The following MADCAM1 variants were observed in gnomAD, a reference collection of about 807,000 sequenced individuals.
The protein encoded by MADCAM1 is mucosal vascular addressin cell adhesion molecule 1.
Under a neutral mutation model 26.1 loss-of-function variants are expected in MADCAM1, and 19 were observed. The observed-to-expected ratio is 0.73, with a 90% CI of 0.51 to 1.07. The LOEUF is 1.07. Among genes scored for constraint, MADCAM1 ranks in the 50% least tolerant of loss-of-function variants. The probability of loss-of-function intolerance (pLI) is 0.00; values close to 1 mark genes in which losing one functional copy is unlikely to be tolerated. For missense variants in MADCAM1, 514 were observed against 542.1 expected (o/e 0.95, Z 0.51); for synonymous variants, 268 against 260.9 (o/e 1.03, Z -0.26).
chr19:501,197 A>AG (rs1437252974), intron 3 of MADCAM1, among the ~76,000 whole-genome samples: 1 of 151,326 alleles, frequency 6.6e-6, no homozygotes, highest in East Asian at 1.9e-4. Context: ...TCTAAAAAAA[A>AG]AAACCAGGCC....
At chr19:499,992 T>TG (rs1978311888) in intron 3 of MADCAM1, 2 of 161,660 alleles carry the variant, frequency 1.2e-5, no homozygotes, top group Non-Finnish European at 1.2e-5. Flanking sequence ...GTCTTTGTGG[T>TG]GGGGGTGGGG....
chr19:504,505 G>A (rs1369217612), intron 4 of MADCAM1, among the ~76,000 whole-genome samples: 3 of 152,102 alleles, frequency 2.0e-5, no homozygotes, highest in East Asian at 1.9e-4. Flanking sequence ...TGATCCACCC[G>A]CTTTGGCCTC....
intron 1 of MADCAM1, 75 bp downstream of exon 1, chr19:496,626 AGG>A: frequency 2.6e-6 from 1 of 383,342 alleles, no homozygotes; most frequent in Admixed American, 2.4e-4. Flanking sequence ...GGCTCAGGAG[AGG>A]GGAGGGGGCT....
At chr19:501,607 G>A (rs1041132241) in intron 3 of MADCAM1, 62 bp from the exon 4 acceptor site, 2 of 1,511,968 alleles carry the variant, frequency 1.3e-6, no homozygotes, top group African/African-American at 1.4e-5. Flanking sequence ...TGCGGAGATT[G>A]AGGCAGGAGA....
intron 2 of MADCAM1, 39 bp from the exon 3 acceptor site, chr19:498,457 A>C: frequency 1.4e-6 from 2 of 1,434,142 alleles, no homozygotes; most frequent in Non-Finnish European, 1.8e-6. Flanking sequence ...TCCAGCCCTG[A>C]CTCTGGGCTC....
chr19:498,754 C>T lies in MADCAM1; in HGVS notation c.596C>T (p.Pro199Leu), dbSNP rs754263027. 1.3e-5 allele frequency: 19 copies of T among 1,491,658 alleles called. No homozygotes were observed. Among genetic ancestry groups the T allele is most frequent in the Middle Eastern group, 1.9e-4 (1 of 5,362 alleles). 92.4% of individuals were successfully genotyped at this position (1,491,658 alleles called of 1,614,324 possible). A position where few individuals can be genotyped will look rare whatever the true frequency, so the allele number is the denominator to read the frequency against. The change falls in exon 3 of 5, where the codon CCG (proline) becomes CTG (leucine). Residue 199 changes from proline to leucine, a missense_variant. This residue lies in a region of MADCAM1 where 317 missense variants were observed against 313.6 expected (regional missense o/e 1.01). Coordinates refer to ENST00000215637, the MANE Select transcript of MADCAM1 (RefSeq NM_130760.3). ...WRLPPLGTPV[P>L]PALYCQATMR... ...CTGCCGCCCCTGGGGACCCCTGTCC[C>T]GCCCGCCCTCTACTGCCAGGCCACG...
Position 501,724 on chromosome 19 carries a change from C to G in MADCAM1, c.723C>G (p.Pro241=). 2 of 1,564,782 alleles carry G rather than the reference C, an allele frequency of 1.3e-6. No homozygotes were observed. Among genetic ancestry groups the G allele is most frequent in the Non-Finnish European group, 1.7e-6 (2 of 1,153,502 alleles). ...EPPDTTSPES[P]DTTSPESPDT... Reference sequence around the variant, plus strand: ...CCGACACCACCTCCCCGGAGTCTCCCGACACCACCTCCCCGGAGTCTCCCG... The same window carrying G: ...CCGACACCACCTCCCCGGAGTCTCCGGACACCACCTCCCCGGAGTCTCCCG... The change falls in exon 4 of 5, where the codon CCC becomes CCG. Residue 241 remains proline, a synonymous_variant. Transcript: ENST00000215637.
At chr19:500,666 C>T (rs552598093) in intron 3 of MADCAM1, among the ~76,000 whole-genome samples, 38 of 152,152 alleles carry the variant, frequency 2.5e-4, no homozygotes, top group African/African-American at 8.2e-4. Context: ...ATTAGGAGAT[C>T]GAGACTAGCC....
At chr19:502,236 C>T (rs1415140016) in intron 4 of MADCAM1, among the ~76,000 whole-genome samples, 2 of 150,804 alleles carry the variant, frequency 1.3e-5, no homozygotes, top group Non-Finnish European at 3.0e-5. Flanking sequence ...TTGGTAAATT[C>T]TAAGCCTTGT....
rs560257413 is a variant in MADCAM1, at chr19:498,891, G to T, written c.667+66G>T. ...GCCTTGACAAGCACTTCGGGACGGG[G>T]TGGGGGGGTGGGGGGGCAGCACCTG... On this transcript the variant is annotated intron_variant, in intron 3 of 4. Coordinates refer to ENST00000215637, the MANE Select transcript of MADCAM1 (RefSeq NM_130760.3). 7.2e-3 allele frequency: 10,594 copies of T among 1,461,828 alleles called. 72 individuals are homozygous for T. The highest frequency in any genetic ancestry group is 9.0e-3 in the Non-Finnish European group (9,837 of 1,096,412). The allele number at this position is 1,461,828 out of a possible 1,614,324, so 90.6% of individuals were successfully genotyped here. A position where few individuals can be genotyped will look rare whatever the true frequency, so the allele number is the denominator to read the frequency against.
At chr19:496,574 G>A (rs1976571007) in intron 1 of MADCAM1, 23 bp downstream of exon 1, 1 of 1,282,188 alleles carries the variant, frequency 7.8e-7, no homozygotes. Context: ...GGGGGCGCGG[G>A]AGAGAGGAGT....
chr19:498,962 C>T, intron 3 of MADCAM1, 137 bp downstream of exon 3: 3 of 1,234,588 alleles, frequency 2.4e-6, no homozygotes, highest in Non-Finnish European at 3.4e-6. Context: ...GCAGCGACAG[C>T]GACATTCATC....
intron 4 of MADCAM1, among the ~76,000 whole-genome samples, chr19:503,746 A>G (rs1310944787): frequency 1.3e-5 from 2 of 151,646 alleles, no homozygotes; most frequent in African/African-American, 4.8e-5. Flanking sequence ...AGCAAGACTC[A>G]GTCTCAAAAA....
In MADCAM1 at chr19:500,731, G is replaced by T. The variant is rs531612635; in HGVS notation, c.668-938G>T. Among the ~76,000 whole-genome samples the T allele has an allele frequency of 2.0e-5, 3 of 152,246 alleles. No homozygotes were observed. The South Asian group carries it at 6.2e-4, about 32-fold the overall frequency. ...CTAAAAATACAAATATTAGCCTGGCGTGGTGGTGAGCGCCTGTAATTCCAG... is the reference window on the plus strand; with the variant it reads ...CTAAAAATACAAATATTAGCCTGGCTTGGTGGTGAGCGCCTGTAATTCCAG... On this transcript the variant is annotated intron_variant, in intron 3 of 4. Transcript: ENST00000215637.
intron 4 of MADCAM1, 104 bp from the exon 5 acceptor site, chr19:504,641 G>A (rs1380122471): frequency 2.0e-5 from 15 of 753,180 alleles, no homozygotes; most frequent in South Asian, 9.1e-5. Flanking sequence ...TTCAGGGAAC[G>A]TGGTAACTTT....
chr19:503,550 C>T (rs573249648), intron 4 of MADCAM1, among the ~76,000 whole-genome samples: 1 of 145,650 alleles, frequency 6.9e-6, no homozygotes, highest in South Asian at 2.2e-4. Context: ...CACTGCACTC[C>T]AACCTGGGAG....
intron 3 of MADCAM1, chr19:500,204 C>T (rs1327671184): frequency 2.2e-6 from 1 of 456,132 alleles, no homozygotes; most frequent in Non-Finnish European, 4.4e-6. Context: ...GGGACCCACT[C>T]GCTCTCAGGG....
chr19:503,389 GGC>G (rs1393429438), intron 4 of MADCAM1, among the ~76,000 whole-genome samples: 1 of 151,484 alleles, frequency 6.6e-6, no homozygotes, highest in African/African-American at 2.4e-5. Flanking sequence ...AGACCATCCT[GGC>G]TAACACGGTG....
chr19:500,892 CT>C (rs1396213739), intron 3 of MADCAM1, among the ~76,000 whole-genome samples: 5 of 151,756 alleles, frequency 3.3e-5, no homozygotes, highest in African/African-American at 7.3e-5. Context: ...AAATTCTAGG[CT>C]TTATCAACTA....
Sources: allele counts gnomAD v4.1 joint callset (sites outside exome capture counted in the v4.1 genomes callset), GRCh38; gene constraint gnomAD v4.1.1; regional missense constraint gnomAD v4.1.1; transcripts MANE v1.5; gene names NCBI Gene and HGNC (gene_info 2026-07-23, HGNC 2026-07-21).